MINK1: variants seen among roughly 807,000 people sequenced by gnomAD.
The protein encoded by MINK1 is misshapen-like kinase 1.
Under a neutral mutation model 178.4 loss-of-function variants are expected in MINK1, and 46 were observed. The observed-to-expected ratio is 0.26, with a 90% CI of 0.20 to 0.33. MINK1 has a LOEUF of 0.33. Ranked by LOEUF, MINK1 falls within the 10% of genes least tolerant of loss-of-function variation. The probability of loss-of-function intolerance (pLI) is 1.00; values close to 1 mark genes in which losing one functional copy is unlikely to be tolerated. For synonymous variants in MINK1, 797 were observed against 709.7 expected (o/e 1.12, Z -1.96); for missense variants, 1,366 against 1,814.9 (o/e 0.75, Z 4.49).
intron 1 of MINK1, among the ~76,000 whole-genome samples, chr17:4,837,709 T>G (rs1909522066): frequency 6.6e-6 from 1 of 152,236 alleles, no homozygotes; most frequent in African/African-American, 2.4e-5. Flanking sequence ...TCCTTTTGGT[T>G]GACCCACTTC....
At chr17:4,878,892 G>A (rs1378331384) in intron 2 of MINK1, among the ~76,000 whole-genome samples, 1 of 152,232 alleles carries the variant, frequency 6.6e-6, no homozygotes, top group African/African-American at 2.4e-5. Context: ...GAAGTGGCAG[G>A]TTCTCAGCCA....
chr17:4,893,820 G>A (rs1416151062), intron 21 of MINK1, 168 bp from the exon 22 acceptor site: 1 of 864,516 alleles, frequency 1.2e-6, no homozygotes, highest in East Asian at 2.7e-5. Context: ...TGCCCTGTGT[G>A]CCATGCAGGG....
intron 1 of MINK1, among the ~76,000 whole-genome samples, chr17:4,837,017 T>TA (rs199812002): frequency 0.014 from 2,003 of 147,994 alleles, 24 homozygotes; most frequent in East Asian, 0.066. Flanking sequence ...CCATCTCTAC[T>TA]AAAAAAAAAA....
chr17:4,860,137 T>C (rs1913929938), intron 1 of MINK1, among the ~76,000 whole-genome samples: 1 of 152,176 alleles, frequency 6.6e-6, no homozygotes. Flanking sequence ...GAGGAGCTAC[T>C]GTTAGTGGAA....
intron 1 of MINK1, among the ~76,000 whole-genome samples, chr17:4,837,805 G>A (rs745532400): frequency 3.3e-5 from 5 of 152,170 alleles, no homozygotes; most frequent in Non-Finnish European, 7.3e-5. Flanking sequence ...TAGCGTCGCT[G>A]GATTGAAATC....
Position 4,896,353 on chromosome 17 carries a change from C to A in MINK1, c.3615+11C>A. On this transcript the variant is annotated intron_variant, in intron 29 of 31. Coordinates refer to ENST00000355280, the MANE Select transcript of MINK1 (RefSeq NM_153827.5). The surrounding 1 kb of genome is among the most constrained non-coding windows in gnomAD (Gnocchi z 4.6). ...TACATCCCTGTGCACGTGAGCTTGGCGGGGCTGCTGGGGGAGTGGGATGGC... is the reference window on the plus strand; with the variant it reads ...TACATCCCTGTGCACGTGAGCTTGGAGGGGCTGCTGGGGGAGTGGGATGGC... The A allele has an allele frequency of 6.3e-7, 1 of 1,599,884 alleles. No homozygotes were observed. The highest frequency in any genetic ancestry group is 8.5e-7 in the Non-Finnish European group (1 of 1,172,102).
chr17:4,835,086 G>T (rs1373042904), intron 1 of MINK1, among the ~76,000 whole-genome samples: 2 of 152,130 alleles, frequency 1.3e-5, no homozygotes, highest in African/African-American at 2.4e-5. Context: ...CTCTGTGTGC[G>T]CAGGCACATG....
intron 1 of MINK1, among the ~76,000 whole-genome samples, chr17:4,851,924 G>T (rs1044885752): frequency 1.4e-5 from 2 of 146,160 alleles, no homozygotes; most frequent in Admixed American, 1.4e-4. Flanking sequence ...CACTTGAATC[G>T]GGGAGGCAGA....
intron 4 of MINK1, 36 bp from the exon 5 acceptor site, chr17:4,884,327 G>C (rs1452194139): frequency 2.6e-6 from 4 of 1,568,294 alleles, no homozygotes; most frequent in Non-Finnish European, 3.5e-6. Context: ...TTGTCTGACT[G>C]ATACTTTTCC....
chr17:4,865,988 A>AT (rs1228287457), intron 1 of MINK1, among the ~76,000 whole-genome samples: 1 of 152,228 alleles, frequency 6.6e-6, no homozygotes, highest in Non-Finnish European at 1.5e-5. Context: ...TACACAATTA[A>AT]TTGTAGAGGT....
In MINK1 at chr17:4,895,905, C is replaced by A; in HGVS notation, c.3364+73C>A. On this transcript the variant is annotated intron_variant, in intron 27 of 31. Coordinates refer to ENST00000355280, the MANE Select transcript of MINK1 (RefSeq NM_153827.5). This position sits in a 1 kb window ranked among gnomAD's most constrained non-coding sequence, Gnocchi z 4.3. Reference sequence around the variant, plus strand: ...GAGAAATGGATCTGGGAGCCAGGGACTTGGGGCCTGGGTGGGGCAGTGTAG... The same window carrying A: ...GAGAAATGGATCTGGGAGCCAGGGAATTGGGGCCTGGGTGGGGCAGTGTAG... 6.3e-7 allele frequency: 1 copy of A among 1,580,298 alleles called. No individual in the cohort carries two copies.
rs1969388485 is a variant in MINK1, at chr17:4,895,790, A to G, written c.3322A>G (p.Thr1108Ala). Residue 1108 changes from threonine to alanine, a missense_variant, in exon 27 of 32, where the codon ACC becomes GCC. Physicochemically the swap from Thr to Ala is moderately conservative, Grantham distance 58. This residue lies in a region of MINK1 where 77 missense variants were observed against 119.5 expected (regional missense o/e 0.64). Transcript: ENST00000355280. This position sits in a 1 kb window ranked among gnomAD's most constrained non-coding sequence, Gnocchi z 4.3. ...DPEVEKKQGW[T>A]TVGDMEGCGH... is the part of the protein sequence containing the mutation. ...AGAAGTGGAGAAGAAGCAGGGCTGG[A>G]CCACCGTGGGGGACATGGAGGGCTG... 1 of 1,613,686 alleles carries G rather than the reference A, an allele frequency of 6.2e-7. No homozygotes were observed.
chr17:4,833,573 C>A lies in MINK1; in HGVS notation c.-11C>A. 6.7e-7 allele frequency: 1 copy of A among 1,498,394 alleles called. No homozygotes were observed. Among genetic ancestry groups the A allele is most frequent in the Non-Finnish European group, 8.9e-7 (1 of 1,129,638 alleles). 92.8% of individuals were successfully genotyped at this position (1,498,394 alleles called of 1,614,324 possible). On this transcript the variant is annotated 5_prime_UTR_variant, in exon 1 of 32. Transcript: ENST00000355280. This position sits in a 1 kb window ranked among gnomAD's most constrained non-coding sequence, Gnocchi z 4.8. ...GTGAGCGGCCCCGGTGCCCCGTTCC[C>A]CACGGAGGCCATGGGCGACCCAGCC...
chr17:4,890,866 C>T (rs1050874187), intron 14 of MINK1, 85 bp from the exon 15 acceptor site: 37 of 1,529,408 alleles, frequency 2.4e-5, no homozygotes, highest in Admixed American at 7.9e-5. Context: ...GAGCATAGGG[C>T]GGGAGTAGTT....
At chr17:4,834,702 G>C (rs1245114472) in intron 1 of MINK1, 3 of 517,204 alleles carry the variant, frequency 5.8e-6, no homozygotes, top group Non-Finnish European at 1.2e-5. Flanking sequence ...TATCAGCCAG[G>C]TGGTGTTTTG....
At chr17:4,851,999 CAAAAAA>C (rs535581252) in intron 1 of MINK1, among the ~76,000 whole-genome samples, 7 of 69,444 alleles carry the variant, frequency 1.0e-4, no homozygotes, top group Non-Finnish European at 1.5e-4. Flanking sequence ...GACTCTGTCT[CAAAAAA>C]AAAAAAAAAA....
rs545116701 is a variant in MINK1 at position 4,849,358 on chromosome 17, C to T, written c.57+15718C>T. Among the ~76,000 whole-genome samples, 37 of 152,298 alleles carry T rather than the reference C, an allele frequency of 2.4e-4. 1 individual carries two copies. The highest frequency in any genetic ancestry group is 2.4e-3 in the Admixed American group (36 of 15,294). ...AACCTATGCCTCACCCTTGGGGACA[C>T]ACAGCTTTGTTGGGATGTGAGAGAC... On this transcript the variant is annotated intron_variant, in intron 1 of 31. Transcript: ENST00000355280.
Position 4,890,533 on chromosome 17 carries a change from A to G in MINK1, c.1364A>G (p.Gln455Arg), listed in dbSNP as rs1326441591. 6.3e-7 allele frequency: 1 copy of G among 1,589,680 alleles called. No individual in the cohort carries two copies. Among genetic ancestry groups the G allele is most frequent in the Non-Finnish European group, 8.6e-7 (1 of 1,168,766 alleles). The change falls in exon 14 of 32, where the codon CAG (glutamine) becomes CGG (arginine). Residue 455 changes from glutamine (Q) to arginine (R), a missense_variant. This residue lies in a region of MINK1 where 87 missense variants were observed against 78.9 expected (regional missense o/e 1.10). Transcript: ENST00000355280. ...TGGGCCCAGGAATACAAGCGGAAGC[A>G]GCTGGAGGAGCAGCGGCAGTCAGAA... Reference protein sequence around the residue: ...AEREQEYKRKQLEEQRQSERL... With the variant: ...AEREQEYKRKRLEEQRQSERL...
Position 4,897,343 on chromosome 17 carries a change from G to T in MINK1, c.*56G>T. ...GGACCCAGCTCTCCCCCTGCAGCCA[G>T]GCTTCCCGGGCCGCCCCTCTTTCCC... On this transcript the variant is annotated 3_prime_UTR_variant, in exon 32 of 32. Transcript: ENST00000355280. 6.5e-7 allele frequency: 1 copy of T among 1,532,610 alleles called. No homozygotes were observed. The highest frequency in any genetic ancestry group is 9.0e-7 in the Non-Finnish European group (1 of 1,110,968). The allele number at this position is 1,532,610 out of a possible 1,614,324, so 94.9% of individuals were successfully genotyped here.
Sources: allele counts gnomAD v4.1 joint callset (sites outside exome capture counted in the v4.1 genomes callset), GRCh38; gene constraint gnomAD v4.1.1; regional missense constraint gnomAD v4.1.1; non-coding constraint Gnocchi (gnomAD v3.1); transcripts MANE v1.5; gene names NCBI Gene and HGNC (gene_info 2026-07-23, HGNC 2026-07-21).